NUP54: variants seen among roughly 807,000 people sequenced by gnomAD.
NUP54 encodes nucleoporin 54.
In NUP54, 27 loss-of-function variants were observed where a neutral mutation model predicts 66.4. The observed-to-expected ratio is 0.41, with a 90% confidence interval of 0.30 to 0.56. The LOEUF is 0.56. Ranked by LOEUF, NUP54 falls within the 20% of genes least tolerant of loss-of-function variation. NUP54 has a pLI of 0.34. For synonymous variants in NUP54, 206 were observed against 210.7 expected (o/e 0.98, Z 0.19); for missense variants, 486 against 596.3 (o/e 0.82, Z 1.93).
chr4:76,118,144 A>G lies in NUP54; in HGVS notation c.1215T>C (p.Ala405=). The G allele has an allele frequency of 1.9e-6, 3 of 1,613,600 alleles. No homozygotes were observed. Among genetic ancestry groups the G allele is most frequent in the Non-Finnish European group, 8.5e-7 (1 of 1,179,526 alleles). The change falls in exon 10 of 12, where the codon GCT becomes GCC. Residue 405 remains alanine, a synonymous_variant. Coordinates refer to ENST00000264883, the MANE Select transcript of NUP54 (RefSeq NM_017426.4). Reference sequence around the variant, plus strand: ...GCTGAACTCGCAACTGCTCTTCATCAGCCTGAATGGCATAACCACTCTTCC... The same window carrying G: ...GCTGAACTCGCAACTGCTCTTCATCGGCCTGAATGGCATAACCACTCTTCC... ...IQRKSGYAIQ[A]DEEQLRVQLD... is the part of the protein sequence containing the mutation.
rs1157051380 is a variant in NUP54 at position 76,139,413 on chromosome 4, C to T, written c.296-3001G>A. On this transcript the variant is annotated intron_variant, in intron 3 of 11. Coordinates refer to ENST00000264883, the MANE Select transcript of NUP54 (RefSeq NM_017426.4). ...TCCCTAAAGCAAACTTTATTTACCA[C>T]AATTATGAGAGATAAAGTTAAATAA... Among the ~76,000 whole-genome samples the T allele has an allele frequency of 2.7e-5, 4 of 150,304 alleles. No homozygotes were observed. In the Admixed American group the frequency reaches 2.7e-4, roughly 10 times the overall value.
At chr4:76,121,205 C>T (rs1043990410) in intron 9 of NUP54, among the ~76,000 whole-genome samples, 2 of 152,052 alleles carry the variant, frequency 1.3e-5, no homozygotes, top group Non-Finnish European at 2.9e-5. Context: ...TTAAATAAAC[C>T]CACTGAATTG....
At chr4:76,145,250 G>A (rs943264923) in intron 1 of NUP54, among the ~76,000 whole-genome samples, 9 of 151,110 alleles carry the variant, frequency 6.0e-5, no homozygotes, top group Non-Finnish European at 1.3e-4. Flanking sequence ...CCCGGGAGGT[G>A]GAGCTTGCAG....
At chr4:76,133,462 C>T (rs11730822) in intron 5 of NUP54, among the ~76,000 whole-genome samples, 20,545 of 151,848 alleles carry the variant, frequency 0.14, 1,580 homozygotes, top group East Asian at 0.35. Context: ...CCTGCCACCA[C>T]GCCCGGCTGA....
At chr4:76,116,472 T>G (rs2109847939) in intron 11 of NUP54, among the ~76,000 whole-genome samples, 1 of 152,350 alleles carries the variant, frequency 6.6e-6, no homozygotes, top group South Asian at 2.1e-4. Context: ...ATACAACTGT[T>G]CATTTTCATT....
intron 11 of NUP54, among the ~76,000 whole-genome samples, chr4:76,117,106 TG>T (rs1161606097): frequency 6.6e-6 from 1 of 152,180 alleles, no homozygotes; most frequent in African/African-American, 2.4e-5. Context: ...CCTCACACCC[TG>T]GCAACCACCT....
At chr4:76,148,249 A>AG in intron 1 of NUP54, 59 bp downstream of exon 1, 2 of 1,158,362 alleles carry the variant, frequency 1.7e-6, no homozygotes, top group Non-Finnish European at 2.3e-6. Context: ...TCTCGGACAG[A>AG]GGGGGCGGAC....
At chr4:76,142,523 T>A (rs1285665804) in intron 3 of NUP54, among the ~76,000 whole-genome samples, 1 of 152,220 alleles carries the variant, frequency 6.6e-6, no homozygotes, top group East Asian at 1.9e-4. Flanking sequence ...TCCCTGTACT[T>A]CTTCTAGAGA....
rs1268022423 is a variant in NUP54, at chr4:76,115,064, ATTATGT to A, written c.*296_*301del. The A allele has an allele frequency of 1.4e-5, 3 of 210,628 alleles. No homozygotes were observed. The highest frequency in any genetic ancestry group is 6.9e-5 in the African/African-American group (3 of 43,290). The allele number at this position is 210,628 out of a possible 1,614,324, so 13.0% of individuals were successfully genotyped here. A position where few individuals can be genotyped will look rare whatever the true frequency, so the allele number is the denominator to read the frequency against. The stretch of plus-strand genomic sequence containing the variant: ...AATGGACAATAATCATTAAACACAG[ATTATGT>A]TTAAGAAAATGCTGTTGTAAAAATG... On this transcript the variant is annotated 3_prime_UTR_variant, in exon 12 of 12. Coordinates refer to ENST00000264883, the MANE Select transcript of NUP54 (RefSeq NM_017426.4).
rs980823474 is a variant in NUP54, at chr4:76,148,170, C to G, written c.67+138G>C. ...GCCGCCTCGGCCCACTCTGCCGCCG[C>G]CCGCCCTTTTCCAATGCCTCTAAAG... is the stretch of plus-strand genomic sequence containing the variant. On this transcript the variant is annotated intron_variant, in intron 1 of 11. Transcript: ENST00000264883. The G allele has an allele frequency of 1.4e-4, 96 of 684,134 alleles. 2 individuals carry two copies. Among genetic ancestry groups the G allele is most frequent in the Non-Finnish European group, 1.7e-5 (8 of 465,240 alleles). 42.4% of individuals were successfully genotyped at this position (684,134 alleles called of 1,614,324 possible). A position where few individuals can be genotyped will look rare whatever the true frequency, so the allele number is the denominator to read the frequency against.
chr4:76,116,614 G>A (rs964692222), intron 11 of NUP54, among the ~76,000 whole-genome samples: 3 of 152,166 alleles, frequency 2.0e-5, no homozygotes, highest in Non-Finnish European at 2.9e-5. Flanking sequence ...CAGATCTCCT[G>A]AGAGCTTAGG....
chr4:76,147,533 C>T (rs1731555163), intron 1 of NUP54: 2 of 1,289,666 alleles, frequency 1.6e-6, no homozygotes, highest in South Asian at 2.5e-5. Context: ...GTAGTAGAAA[C>T]ACCGAAATTC....
At chr4:76,126,986 T>TA (rs964000274) in intron 8 of NUP54, among the ~76,000 whole-genome samples, 27 of 151,792 alleles carry the variant, frequency 1.8e-4, no homozygotes, top group African/African-American at 6.5e-4. Flanking sequence ...GCCATAAGAC[T>TA]AAAAAAATGT....
chr4:76,136,471 T>C, intron 3 of NUP54, 59 bp from the exon 4 acceptor site: 6 of 1,426,134 alleles, frequency 4.2e-6, no homozygotes, highest in Non-Finnish European at 5.8e-6. Flanking sequence ...TTAATCCAGA[T>C]CCTAGGCGTG....
In NUP54 at chr4:76,124,712, T is replaced by C; in HGVS notation, c.1101A>G (p.Thr367=). The part of the protein sequence containing the change: ...DISELQKNQT[T]SVAKIAQYKR... ...TGTATTGTGCAATTTTGGCTACAGA[T>C]GTAGTTTGATTCTTTTGTAGCTCAC... Residue 367 remains threonine (T), a synonymous_variant, in exon 9 of 12, where the codon ACA becomes ACG. Coordinates refer to ENST00000264883, the MANE Select transcript of NUP54 (RefSeq NM_017426.4). The C allele has an allele frequency of 6.3e-7, 1 of 1,590,148 alleles. No individual in the cohort carries two copies.
chr4:76,125,093 C>A (rs929006657), intron 8 of NUP54, among the ~76,000 whole-genome samples: 1 of 151,560 alleles, frequency 6.6e-6, no homozygotes, highest in Non-Finnish European at 1.5e-5. Flanking sequence ...AGTTCAAGAC[C>A]AGCCTGGCCA....
intron 7 of NUP54, among the ~76,000 whole-genome samples, 160 bp downstream of exon 7, chr4:76,131,069 TG>T (rs1165676094): frequency 6.6e-6 from 1 of 152,160 alleles, no homozygotes; most frequent in Non-Finnish European, 1.5e-5. Flanking sequence ...CTTTTTGTTT[TG>T]GCTGAAGCTT....
In NUP54 at chr4:76,148,385, C is replaced by T; in HGVS notation, c.-11G>A. The T allele has an allele frequency of 6.6e-7, 1 of 1,524,196 alleles. No homozygotes were observed. Among genetic ancestry groups the T allele is most frequent in the Non-Finnish European group, 8.8e-7 (1 of 1,135,224 alleles). The allele number at this position is 1,524,196 out of a possible 1,614,324, so 94.4% of individuals were successfully genotyped here. On this transcript the variant is annotated 5_prime_UTR_variant, in exon 1 of 12. Transcript: ENST00000264883. The stretch of plus-strand genomic sequence containing the variant: ...AAAATTGAAGGCCATGTCGCGAAAG[C>T]AGGAGACCAAGTAGGTTACTCCTGC...
chr4:76,138,299 G>A (rs181134885), intron 3 of NUP54, among the ~76,000 whole-genome samples: 4 of 151,956 alleles, frequency 2.6e-5, no homozygotes, highest in African/African-American at 7.2e-5. Context: ...TCTCTATACC[G>A]AGACATATGC....
Sources: gnomAD v4.1 joint callset for allele counts (sites outside exome capture counted in the v4.1 genomes callset) on GRCh38, gnomAD v4.1.1 for gene constraint, MANE v1.5 for transcripts, NCBI Gene and HGNC (gene_info 2026-07-23, HGNC 2026-07-21) for gene names.